The following ATRNL1 variants were observed in gnomAD, a reference collection of about 807,000 sequenced individuals.
The protein encoded by ATRNL1 is attractin like 1.
In ATRNL1, 95 loss-of-function variants were observed where a neutral mutation model predicts 182.7. That is an observed-to-expected ratio of 0.52 (90% confidence interval 0.44 to 0.62). ATRNL1 has a LOEUF of 0.62. Among genes scored for constraint, ATRNL1 ranks in the 20% least tolerant of loss-of-function variants. The pLI is 0.00. For missense variants in ATRNL1, 1,471 were observed against 1,679.5 expected (o/e 0.88, Z 2.17); for synonymous variants, 576 against 568.3 (o/e 1.01, Z -0.19).
chr10:115,693,310 A>G (rs1334032475), intron 26 of ATRNL1, among the ~76,000 whole-genome samples: 1 of 152,152 alleles, frequency 6.6e-6, no homozygotes, highest in African/African-American at 2.4e-5. Flanking sequence ...CCAATAGTCT[A>G]AGATTCTAAG....
chr10:115,587,391 C>A (rs1855604243), intron 26 of ATRNL1, among the ~76,000 whole-genome samples: 1 of 151,780 alleles, frequency 6.6e-6, no homozygotes, highest in Non-Finnish European at 1.5e-5. Context: ...TCTCAGACTG[C>A]TGTGCTAGCA....
intron 9 of ATRNL1, among the ~76,000 whole-genome samples, chr10:115,226,115 C>T (rs1166699511): frequency 1.3e-5 from 2 of 151,644 alleles, no homozygotes; most frequent in South Asian, 2.1e-4. Flanking sequence ...ACAGACAGAC[C>T]TATATATTTA....
intron 28 of ATRNL1, among the ~76,000 whole-genome samples, chr10:115,889,887 A>G (rs1424948787): frequency 6.6e-6 from 1 of 152,242 alleles, no homozygotes; most frequent in African/African-American, 2.4e-5. Flanking sequence ...CAGTAGCCAA[A>G]TTCCAAGGAA....
intron 8 of ATRNL1, among the ~76,000 whole-genome samples, chr10:115,201,566 T>C (rs1453242449): frequency 3.2e-4 from 49 of 152,152 alleles, no homozygotes; most frequent in Non-Finnish European, 5.1e-4. Flanking sequence ...TTTCTGAGGG[T>C]TCTGTTCTGT....
chr10:115,255,372 C>CTTA (rs1314698384), intron 10 of ATRNL1, among the ~76,000 whole-genome samples: 2 of 152,142 alleles, frequency 1.3e-5, no homozygotes, highest in Non-Finnish European at 2.9e-5. Flanking sequence ...AAGTTGGCTT[C>CTTA]CTAGGTATTT....
At chr10:115,907,186 C>T (rs1589675469) in intron 28 of ATRNL1, among the ~76,000 whole-genome samples, 1 of 152,200 alleles carries the variant, frequency 6.6e-6, no homozygotes, top group East Asian at 1.9e-4. Flanking sequence ...AATGTCCATT[C>T]TCTTGATCCT....
chr10:115,691,053 T>C (rs1476050706), intron 26 of ATRNL1, among the ~76,000 whole-genome samples: 2 of 152,138 alleles, frequency 1.3e-5, no homozygotes, highest in African/African-American at 4.8e-5. Context: ...CTGTTAGACA[T>C]CAGTATTCTT....
At chr10:115,720,507 G>A (rs1228703544) in intron 26 of ATRNL1, among the ~76,000 whole-genome samples, 4 of 152,130 alleles carry the variant, frequency 2.6e-5, no homozygotes, top group African/African-American at 9.7e-5. Flanking sequence ...AGGAAATGAT[G>A]GTGATGCTAT....
chr10:115,575,478 GT>G (rs1555004857), intron 26 of ATRNL1, among the ~76,000 whole-genome samples: 1 of 151,972 alleles, frequency 6.6e-6, no homozygotes, highest in Non-Finnish European at 1.5e-5. Flanking sequence ...CATCTGGAGT[GT>G]TTTTCAACAT....
At chr10:115,793,771 G>T (rs1173333062) in intron 27 of ATRNL1, among the ~76,000 whole-genome samples, 1 of 152,102 alleles carries the variant, frequency 6.6e-6, no homozygotes, top group Non-Finnish European at 1.5e-5. Flanking sequence ...ATGAATAAGG[G>T]TGCAAATGAG....
At chr10:115,780,787 GC>G (rs1271901349) in intron 27 of ATRNL1, among the ~76,000 whole-genome samples, 2 of 152,132 alleles carry the variant, frequency 1.3e-5, no homozygotes, top group African/African-American at 4.8e-5. Context: ...GCGTCTTTGG[GC>G]CCTTAAAAAC....
At chr10:115,618,788 A>G (rs1188417517) in intron 26 of ATRNL1, among the ~76,000 whole-genome samples, 1 of 151,992 alleles carries the variant, frequency 6.6e-6, no homozygotes, top group Non-Finnish European at 1.5e-5. Flanking sequence ...AGTTTTCTTA[A>G]GATCATTATT....
intron 27 of ATRNL1, among the ~76,000 whole-genome samples, chr10:115,836,304 G>T (rs942320396): frequency 6.6e-6 from 1 of 152,106 alleles, no homozygotes; most frequent in Admixed American, 6.5e-5. Context: ...TTATACTTAT[G>T]ATCATTTCCA....
chr10:115,311,519 T>A (rs1854024685), intron 17 of ATRNL1, among the ~76,000 whole-genome samples: 1 of 152,156 alleles, frequency 6.6e-6, no homozygotes, highest in Admixed American at 6.5e-5. Flanking sequence ...TTGAGACTTG[T>A]TTTGTGGCCT....
At chr10:115,717,645 G>A (rs557329644) in intron 26 of ATRNL1, among the ~76,000 whole-genome samples, 3 of 139,920 alleles carry the variant, frequency 2.1e-5, no homozygotes, top group Admixed American at 1.6e-4. Flanking sequence ...TCCACATCCC[G>A]GGTTAAAGCG....
intron 27 of ATRNL1, among the ~76,000 whole-genome samples, chr10:115,811,769 G>A (rs769528042): frequency 4.0e-4 from 60 of 151,888 alleles, no homozygotes; most frequent in South Asian, 8.3e-4. Flanking sequence ...ATCTGAAGTC[G>A]TCTCTTTGTG....
Position 115,946,787 on chromosome 10 carries a change from A to G in ATRNL1, c.*2008A>G, listed in dbSNP as rs1183188360. ...ATAAATTGATGAAACTAATGATTAC[A>G]AAGATATAATCATTTTTTAAAAAGT... is the stretch of plus-strand genomic sequence containing the variant. On this transcript the variant is annotated 3_prime_UTR_variant, in exon 29 of 29. Transcript: ENST00000355044. 4 of 152,200 alleles carry G rather than the reference A, an allele frequency of 2.6e-5. No homozygotes were observed. The highest frequency in any genetic ancestry group is 2.0e-4 in the Admixed American group (3 of 15,280). The allele number at this position is 152,200 out of a possible 1,614,324, so 9.4% of individuals were successfully genotyped here.
chr10:115,433,813 A>G (rs1554964408), intron 21 of ATRNL1, among the ~76,000 whole-genome samples: 1 of 152,220 alleles, frequency 6.6e-6, no homozygotes, highest in Non-Finnish European at 1.5e-5. Flanking sequence ...TAAAAGTGTT[A>G]CATTATTATT....
At chr10:115,315,190 TAAAGGTGGTCTGTAGGGCCCTA>T (rs569632626) in intron 17 of ATRNL1, among the ~76,000 whole-genome samples, 9 of 152,236 alleles carry the variant, frequency 5.9e-5, no homozygotes, top group African/African-American at 2.2e-4. Context: ...CAGACAATAA[TAAAGGTGGTCTGTAGGGCCCTA>T]AAAGTTCTAG....
Sources: gnomAD v4.1 joint callset for allele counts (sites outside exome capture counted in the v4.1 genomes callset) on GRCh38, gnomAD v4.1.1 for gene constraint, MANE v1.5 for transcripts, NCBI Gene and HGNC (gene_info 2026-07-23, HGNC 2026-07-21) for gene names.